Variants in DENND1A observed in about 807,000 individuals in gnomAD.
The protein encoded by DENND1A is DENN domain containing 1A.
In DENND1A, 51 loss-of-function variants were observed where a neutral mutation model predicts 113.7. The observed-to-expected ratio is 0.45, with a 90% CI of 0.36 to 0.57. DENND1A has a LOEUF of 0.57. Ranked by LOEUF, DENND1A falls within the 20% of genes least tolerant of loss-of-function variation. The pLI, the probability that DENND1A is intolerant of heterozygous loss-of-function variation, is 0.00. For synonymous variants in DENND1A, 565 were observed against 570.8 expected (o/e 0.99, Z 0.14); for missense variants, 1,258 against 1,395.9 (o/e 0.90, Z 1.57).
intron 1 of DENND1A, among the ~76,000 whole-genome samples, chr9:123,900,743 T>A (rs59428928): frequency 0.067 from 10,272 of 152,194 alleles, 472 homozygotes; most frequent in African/African-American, 0.13. Context: ...GTGATAAAAA[T>A]ACTTACTTCA....
chr9:123,850,832 G>A (rs1032394189), intron 2 of DENND1A, among the ~76,000 whole-genome samples: 2 of 152,106 alleles, frequency 1.3e-5, no homozygotes, highest in Non-Finnish European at 1.5e-5. Flanking sequence ...TATTTTCAGT[G>A]TATCAGTTAA....
chr9:123,559,001 T>C (rs1361229375), intron 12 of DENND1A, among the ~76,000 whole-genome samples: 1 of 152,164 alleles, frequency 6.6e-6, no homozygotes, highest in Non-Finnish European at 1.5e-5. Flanking sequence ...GTGACGAGCC[T>C]GTAACAGAGC....
intron 2 of DENND1A, among the ~76,000 whole-genome samples, chr9:123,856,797 C>T (rs761606028): frequency 1.3e-4 from 20 of 152,062 alleles, no homozygotes; most frequent in Non-Finnish European, 2.1e-4. Context: ...TTAAGGAAGA[C>T]ATCCACACTG....
At chr9:123,472,964 C>T (rs1043377148) in intron 13 of DENND1A, among the ~76,000 whole-genome samples, 8 of 152,168 alleles carry the variant, frequency 5.3e-5, no homozygotes, top group African/African-American at 1.2e-4. Flanking sequence ...CCTCCTTGCC[C>T]GGGGCTGGGT....
At chr9:123,831,541 G>A (rs1336685321) in intron 2 of DENND1A, among the ~76,000 whole-genome samples, 1 of 152,152 alleles carries the variant, frequency 6.6e-6, no homozygotes, top group Non-Finnish European at 1.5e-5. Context: ...CTAGGTATTA[G>A]AACTTATTAT....
At chr9:123,580,204 G>A (rs541147423) in intron 12 of DENND1A, among the ~76,000 whole-genome samples, 5 of 152,142 alleles carry the variant, frequency 3.3e-5, no homozygotes, top group Non-Finnish European at 7.4e-5. Context: ...GAAAACTGAG[G>A]CTCAAAGAGG....
At chr9:123,899,249 T>C (rs1851231821) in intron 1 of DENND1A, among the ~76,000 whole-genome samples, 1 of 152,188 alleles carries the variant, frequency 6.6e-6, no homozygotes, top group Non-Finnish European at 1.5e-5. Flanking sequence ...TAGTTTACAA[T>C]CAACCAAATT....
intron 10 of DENND1A, among the ~76,000 whole-genome samples, chr9:123,618,688 C>T (rs151338581): frequency 1.3e-5 from 2 of 152,300 alleles, no homozygotes; most frequent in East Asian, 3.9e-4. Context: ...GCACCATTCC[C>T]CTATGTGGGA....
At chr9:123,489,767 A>G (rs892779582) in intron 13 of DENND1A, among the ~76,000 whole-genome samples, 1 of 152,206 alleles carries the variant, frequency 6.6e-6, no homozygotes, top group Admixed American at 6.5e-5. Context: ...TGTCAGTGAG[A>G]TAACTGGAGA....
rs554422736 is a variant in DENND1A, at chr9:123,395,620, G to A, written c.1632-7762C>T. 1.2e-4 allele frequency among the ~76,000 whole-genome samples: 18 copies of A among 152,220 alleles called. No homozygotes were observed. In the East Asian group the frequency reaches 3.3e-3, roughly 28 times the overall value. On this transcript the variant is annotated intron_variant, in intron 21 of 23. Transcript: ENST00000394215. ...GTGGGCCCTGGCAGCCTGCCAGGGG[G>A]TAGAGCCCAGACAGCTGCCCCTACC...
chr9:123,900,440 G>A (rs904981947), intron 1 of DENND1A, among the ~76,000 whole-genome samples: 4 of 152,228 alleles, frequency 2.6e-5, no homozygotes, highest in African/African-American at 9.6e-5. Flanking sequence ...AACAGCCAGT[G>A]ATGATAACAA....
intron 12 of DENND1A, among the ~76,000 whole-genome samples, chr9:123,562,564 A>G (rs1327890065): frequency 6.6e-6 from 1 of 152,198 alleles, no homozygotes; most frequent in Non-Finnish European, 1.5e-5. Context: ...ATATATAAAT[A>G]TATATGCAGT....
intron 21 of DENND1A, chr9:123,402,641 C>G (rs748842504): frequency 5.6e-6 from 3 of 534,340 alleles, no homozygotes; most frequent in South Asian, 4.2e-5. Context: ...CGTGTAGCCG[C>G]TGAGTTGTCT....
chr9:123,914,335 G>A (rs914197424), intron 1 of DENND1A, among the ~76,000 whole-genome samples: 4 of 151,740 alleles, frequency 2.6e-5, no homozygotes, highest in African/African-American at 4.8e-5. Context: ...TCAGGAGATC[G>A]AGACTATCCT....
chr9:123,886,188 T>G (rs889396908), intron 1 of DENND1A, among the ~76,000 whole-genome samples: 2 of 148,630 alleles, frequency 1.3e-5, no homozygotes, highest in African/African-American at 4.9e-5. Context: ...TTTTGTTTTG[T>G]TTTTTTTTTC....
At chr9:123,640,138 A>C (rs2061950841) in intron 9 of DENND1A, among the ~76,000 whole-genome samples, 1 of 152,234 alleles carries the variant, frequency 6.6e-6, no homozygotes, top group South Asian at 2.1e-4. Flanking sequence ...CCATGCCCTC[A>C]AGCAATTTAA....
At chr9:123,489,739 A>C (rs2051205370) in intron 13 of DENND1A, among the ~76,000 whole-genome samples, 1 of 152,220 alleles carries the variant, frequency 6.6e-6, no homozygotes, top group Non-Finnish European at 1.5e-5. Flanking sequence ...AGGCTACTTT[A>C]GACACAGCAC....
chr9:123,903,245 T>C (rs1296208188), intron 1 of DENND1A, among the ~76,000 whole-genome samples: 2 of 131,796 alleles, frequency 1.5e-5, no homozygotes, highest in Non-Finnish European at 3.1e-5. Flanking sequence ...GGCAGGAGAA[T>C]GGCGTGAACC....
At chr9:123,629,453 G>A (rs140862113) in intron 10 of DENND1A, among the ~76,000 whole-genome samples, 92 of 152,316 alleles carry the variant, frequency 6.0e-4, no homozygotes, top group African/African-American at 1.9e-3. Context: ...GTAATCTATT[G>A]AAGACAGATA....
Sources: gnomAD v4.1 joint callset for allele counts (sites outside exome capture counted in the v4.1 genomes callset) on GRCh38, gnomAD v4.1.1 for gene constraint, MANE v1.5 for transcripts, NCBI Gene and HGNC (gene_info 2026-07-23, HGNC 2026-07-21) for gene names.